The following TOM1L2 variants were observed in gnomAD, a reference collection of about 807,000 sequenced individuals.
TOM1L2 encodes the protein target of myb1 like 2 membrane trafficking protein, also known as TOM1-like protein 2.
TOM1L2 carries 31 observed loss-of-function variants against 67.9 expected under a neutral mutation model. The observed-to-expected ratio is 0.46, with a 90% CI of 0.34 to 0.62. The LOEUF (loss-of-function observed/expected upper bound fraction) is 0.62, where lower values mean the gene tolerates loss of function less well. Ranked by LOEUF, TOM1L2 falls within the 20% of genes least tolerant of loss-of-function variation. The pLI is 0.01. For synonymous variants in TOM1L2, 256 were observed against 254.0 expected, an observed-to-expected ratio of 1.01 and a Z score of -0.07; for missense variants, 606 against 663.5, an observed-to-expected ratio of 0.91 and a Z score of 0.95.
rs114228354 is a variant in TOM1L2 at position 17,872,715 on chromosome 17, G to C, written c.778-3242C>G. ...GCTCCTCTTTGCTCCAGCGCTCCAG[G>C]TGTCTGCGGAAAATCTCTGATGAGC... On this transcript the variant is annotated intron_variant, in intron 7 of 14. Transcript: ENST00000379504. Among the ~76,000 whole-genome samples, 1,218 of 152,338 alleles carry C rather than the reference G, an allele frequency of 8.0e-3. 12 individuals are homozygous for C. Among genetic ancestry groups the C allele is most frequent in the African/African-American group, 0.028 (1,184 of 41,582 alleles).
intron 4 of TOM1L2, among the ~76,000 whole-genome samples, chr17:17,885,768 C>T (rs561591066): frequency 1.3e-5 from 2 of 151,364 alleles, no homozygotes; most frequent in East Asian, 1.9e-4. Context: ...ACTAAAAATA[C>T]AAAAAAATTA....
chr17:17,936,839 G>A (rs545205292), intron 1 of TOM1L2, among the ~76,000 whole-genome samples: 3 of 152,262 alleles, frequency 2.0e-5, no homozygotes, highest in Admixed American at 6.5e-5. Flanking sequence ...TGTGTAGTGG[G>A]ATAATGAAAA....
chr17:17,861,373 C>A, intron 12 of TOM1L2, 103 bp downstream of exon 12: 1 of 1,140,872 alleles, frequency 8.8e-7, no homozygotes, highest in Admixed American at 1.9e-5. Flanking sequence ...GTCCCTGCCC[C>A]CTGTGCAAGC....
At chr17:17,937,735 T>G (rs2040565257) in intron 1 of TOM1L2, among the ~76,000 whole-genome samples, 1 of 152,100 alleles carries the variant, frequency 6.6e-6, no homozygotes, top group Non-Finnish European at 1.5e-5. Context: ...CAAGGATAAA[T>G]GACACTAAAT....
chr17:17,959,861 G>A (rs1175712992), intron 1 of TOM1L2, among the ~76,000 whole-genome samples: 1 of 152,206 alleles, frequency 6.6e-6, no homozygotes, highest in African/African-American at 2.4e-5. Context: ...ATGATTAAAA[G>A]AGCAGCTGGT....
chr17:17,857,996 C>T (rs112464513), intron 12 of TOM1L2: 7 of 713,326 alleles, frequency 9.8e-6, no homozygotes, highest in Admixed American at 7.4e-5. Flanking sequence ...CACCCCAGCA[C>T]GTCCCCCTTA....
At chr17:17,909,588 T>TG (rs1555603420) in intron 1 of TOM1L2, among the ~76,000 whole-genome samples, 2 of 21,552 alleles carry the variant, frequency 9.3e-5, no homozygotes, top group South Asian at 1.5e-3. Context: ...CAGAGGCTGC[T>TG]GGGGGGTGTG....
chr17:17,909,303 T>C (rs1220478906), intron 1 of TOM1L2, among the ~76,000 whole-genome samples: 1 of 152,160 alleles, frequency 6.6e-6, no homozygotes, highest in South Asian at 2.1e-4. Flanking sequence ...TGCAGAGTCA[T>C]GTTCATAGCA....
intron 1 of TOM1L2, among the ~76,000 whole-genome samples, chr17:17,930,718 A>ATTG (rs1409456635): frequency 6.6e-6 from 1 of 152,242 alleles, no homozygotes; most frequent in East Asian, 1.9e-4. Flanking sequence ...CAAGACAAAT[A>ATTG]AAACAAGAAG....
chr17:17,873,119 C>T (rs1158469595), intron 7 of TOM1L2, among the ~76,000 whole-genome samples: 3 of 152,190 alleles, frequency 2.0e-5, no homozygotes, highest in Admixed American at 1.3e-4. Context: ...CTGCAATGTC[C>T]CTTATTTCCT....
At position 17,893,758 on chromosome 17, in the gene TOM1L2, G is replaced by T; in HGVS notation, c.269C>A (p.Ala90Asp). ...AACACTGTCGATGAAATCTCGGTTG[G>T]CCACAAGGATGTGGAAGCGGTGGCC... ...NCGHRFHILV[A>D]NRDFIDSVLV... The change falls in exon 4 of 15, where the codon GCC becomes GAC. Residue 90 changes from alanine (A) to aspartate (D), a missense_variant. Coordinates refer to ENST00000379504, the MANE Select transcript of TOM1L2 (RefSeq NM_001082968.2). 1 of 1,614,092 alleles carries T rather than the reference G, an allele frequency of 6.2e-7. No homozygotes were observed. Among genetic ancestry groups the T allele is most frequent in the Non-Finnish European group, 8.5e-7 (1 of 1,179,986 alleles).
intron 4 of TOM1L2, among the ~76,000 whole-genome samples, chr17:17,889,459 C>A (rs942288325): frequency 2.6e-4 from 39 of 152,242 alleles, no homozygotes; most frequent in African/African-American, 9.4e-4. Flanking sequence ...AGTGTGGAGC[C>A]CAACCTCCCC....
In TOM1L2 at chr17:17,877,263, C is replaced by T. The variant is rs181780341; in HGVS notation, c.777+2364G>A. ...AGTTATGATCATCCTAGGGCTGACACCACCAATTATCTCTCTTCCTATTCC... is the reference window on the plus strand; with the variant it reads ...AGTTATGATCATCCTAGGGCTGACATCACCAATTATCTCTCTTCCTATTCC... On this transcript the variant is annotated intron_variant, in intron 7 of 14. Coordinates refer to ENST00000379504, the MANE Select transcript of TOM1L2 (RefSeq NM_001082968.2). Among the ~76,000 whole-genome samples, 156 of 152,320 alleles carry T rather than the reference C, an allele frequency of 1.0e-3. 1 individual carries two copies. The highest frequency in any genetic ancestry group is 1.9e-3 in the Non-Finnish European group (128 of 68,032).
intron 1 of TOM1L2, among the ~76,000 whole-genome samples, chr17:17,934,950 C>T (rs112777834): frequency 2.5e-4 from 38 of 152,312 alleles, no homozygotes; most frequent in African/African-American, 8.9e-4. Flanking sequence ...ACTCAGCCAC[C>T]GTGCTGCACT....
Position 17,852,864 on chromosome 17 carries a change from T to TAAAA in TOM1L2, c.1279-1916_1279-1913dup, listed in dbSNP as rs552138706. The stretch of plus-strand genomic sequence containing the variant: ...TGGGCAACAAGACTGAAACTCTGTC[T>TAAAA]AAAAAAAAAAAAAAAAAAAAAAAAA... On this transcript the variant is annotated intron_variant, in intron 12 of 14. Coordinates refer to ENST00000379504, the MANE Select transcript of TOM1L2 (RefSeq NM_001082968.2). Among the ~76,000 whole-genome samples, 31 of 37,752 alleles carry TAAAA rather than the reference T, an allele frequency of 8.2e-4. 2 individuals carry two copies. Among genetic ancestry groups the TAAAA allele is most frequent in the African/African-American group, 3.1e-3 (30 of 9,836 alleles). The allele number at this position is 37,752 out of a possible 152,430, so 24.8% of individuals were successfully genotyped here.
intron 2 of TOM1L2, among the ~76,000 whole-genome samples, chr17:17,899,706 A>T (rs949401504): frequency 2.0e-5 from 3 of 152,238 alleles, no homozygotes; most frequent in Non-Finnish European, 2.9e-5. Flanking sequence ...GCTGTGGGCC[A>T]GCGCTTTGCA....
chr17:17,869,482 C>T lies in TOM1L2; in HGVS notation c.778-9G>A, dbSNP rs750341953. The T allele has an allele frequency of 1.3e-6, 2 of 1,597,370 alleles. No homozygotes were observed. Among genetic ancestry groups the T allele is most frequent in the African/African-American group, 2.7e-5 (2 of 74,476 alleles). On this transcript the variant is annotated splice_polypyrimidine_tract_variant and intron_variant, in intron 7 of 14. Coordinates refer to ENST00000379504, the MANE Select transcript of TOM1L2 (RefSeq NM_001082968.2). ...CAGGTCCTGTTGAGCTCCTAGGGAA[C>T]ACATGCACCTCTGGGTAGCCTGCTG...
intron 1 of TOM1L2, among the ~76,000 whole-genome samples, chr17:17,945,064 G>A (rs1324860974): frequency 6.6e-6 from 1 of 152,158 alleles, no homozygotes; most frequent in Non-Finnish European, 1.5e-5. Flanking sequence ...TCAGGGCCGT[G>A]GACACCAAAA....
At chr17:17,909,372 A>G (rs1326518285) in intron 1 of TOM1L2, among the ~76,000 whole-genome samples, 1 of 152,188 alleles carries the variant, frequency 6.6e-6, no homozygotes, top group Non-Finnish European at 1.5e-5. Context: ...TAAAGAATGG[A>G]TAAGCCAAAT....
Sources: allele counts gnomAD v4.1 joint callset (sites outside exome capture counted in the v4.1 genomes callset), GRCh38; gene constraint gnomAD v4.1.1; transcripts MANE v1.5; gene names NCBI Gene and HGNC (gene_info 2026-07-23, HGNC 2026-07-21).